The following NCAM2 variants were observed in gnomAD, a reference collection of about 807,000 sequenced individuals.
NCAM2 encodes neural cell adhesion molecule 2.
In NCAM2, 30 loss-of-function variants were observed where a neutral mutation model predicts 98.1. The ratio of observed to expected loss-of-function variants is 0.31; its 90% CI spans 0.23 to 0.41. The LOEUF (loss-of-function observed/expected upper bound fraction) is 0.41, where lower values mean the gene tolerates loss of function less well. Ranked by LOEUF, NCAM2 falls within the 10% of genes least tolerant of loss-of-function variation. The pLI, the probability that NCAM2 is intolerant of heterozygous loss-of-function variation, is 1.00. For missense variants in NCAM2, 867 were observed against 1,005.8 expected (o/e 0.86, Z 1.87); for synonymous variants, 368 against 342.4 (o/e 1.07, Z -0.83).
At chr21:21,236,177 A>T (rs1404101137) in intron 1 of NCAM2, among the ~76,000 whole-genome samples, 1 of 152,004 alleles carries the variant, frequency 6.6e-6, no homozygotes, top group Non-Finnish European at 1.5e-5. Flanking sequence ...AAATAAATAA[A>T]TAAAGCGCTT....
rs570592597 is a variant in NCAM2 at position 21,011,310 on chromosome 21, C to G, written c.55+12692C>G. ...ATCTGATATTCAAATTCAGGAATATCTGATTCTAAAATGATGCTCATTTCA... is the reference window on the plus strand; with the variant it reads ...ATCTGATATTCAAATTCAGGAATATGTGATTCTAAAATGATGCTCATTTCA... On this transcript the variant is annotated intron_variant, in intron 1 of 17. Coordinates refer to ENST00000400546, the MANE Select transcript of NCAM2 (RefSeq NM_004540.5). Among the ~76,000 whole-genome samples, 3 of 152,082 alleles carry G rather than the reference C, an allele frequency of 2.0e-5. No homozygotes were observed. The South Asian group carries it at 6.2e-4, about 32-fold the overall frequency.
intron 4 of NCAM2, among the ~76,000 whole-genome samples, chr21:21,288,150 T>C (rs1430970228): frequency 2.0e-5 from 3 of 151,950 alleles, no homozygotes; most frequent in Non-Finnish European, 4.4e-5. Context: ...ATGTACATGG[T>C]TGCTATACAG....
At chr21:21,331,511 C>CTATATATATATA (rs1400422948) in intron 6 of NCAM2, among the ~76,000 whole-genome samples, 1 of 6,552 alleles carries the variant, frequency 1.5e-4, no homozygotes, top group African/African-American at 4.5e-4. Flanking sequence ...TCTATACTCT[C>CTATATATATATA]TCTCTCTATA....
At chr21:21,479,984 G>C (rs1231555179) in intron 15 of NCAM2, among the ~76,000 whole-genome samples, 1 of 152,100 alleles carries the variant, frequency 6.6e-6, no homozygotes, top group Non-Finnish European at 1.5e-5. Context: ...GAGTACAAAG[G>C]ATTTATCTGT....
At chr21:21,507,740 A>C (rs1988078284) in intron 15 of NCAM2, among the ~76,000 whole-genome samples, 1 of 147,860 alleles carries the variant, frequency 6.8e-6, no homozygotes, top group Non-Finnish European at 1.5e-5. Context: ...CAGTGAGCCG[A>C]GATCGCCCCA....
intron 9 of NCAM2, among the ~76,000 whole-genome samples, chr21:21,398,694 G>A (rs1409546888): frequency 6.6e-6 from 1 of 152,152 alleles, no homozygotes; most frequent in Non-Finnish European, 1.5e-5. Flanking sequence ...GAGTAAGTCA[G>A]CAAGGGGCTT....
chr21:21,134,804 C>T (rs936098954), intron 1 of NCAM2, among the ~76,000 whole-genome samples: 1 of 151,350 alleles, frequency 6.6e-6, no homozygotes, highest in African/African-American at 2.4e-5. Context: ...GTCTCAAGCT[C>T]CTGGGCTCAA....
chr21:21,503,404 GTAAC>G (rs1240253370), intron 15 of NCAM2, among the ~76,000 whole-genome samples: 4 of 151,862 alleles, frequency 2.6e-5, no homozygotes, highest in Admixed American at 2.6e-4. Context: ...CAGCTCCTAA[GTAAC>G]TAAGAGGTGG....
chr21:21,073,634 CTG>C (rs1207566411), intron 1 of NCAM2, among the ~76,000 whole-genome samples: 3 of 152,170 alleles, frequency 2.0e-5, no homozygotes, highest in African/African-American at 4.8e-5. Flanking sequence ...AACAGAGGAG[CTG>C]TGTCTCTGAT....
intron 1 of NCAM2, among the ~76,000 whole-genome samples, chr21:21,208,422 T>A (rs946695941): frequency 2.0e-5 from 3 of 152,180 alleles, no homozygotes; most frequent in African/African-American, 2.4e-5. Context: ...TTAATACCAG[T>A]TAGAAGACTT....
intron 9 of NCAM2, among the ~76,000 whole-genome samples, chr21:21,394,012 G>C (rs1009302172): frequency 6.6e-5 from 10 of 152,132 alleles, no homozygotes; most frequent in African/African-American, 2.4e-4. Flanking sequence ...AAATTAGAGA[G>C]AAAGCCAGTA....
chr21:21,449,234 G>A (rs1180585149), intron 12 of NCAM2, among the ~76,000 whole-genome samples: 1 of 151,752 alleles, frequency 6.6e-6, no homozygotes, highest in Non-Finnish European at 1.5e-5. Flanking sequence ...CAAATAAATA[G>A]TACAAATAAA....
intron 15 of NCAM2, among the ~76,000 whole-genome samples, chr21:21,478,730 T>G (rs1273705890): frequency 6.6e-6 from 1 of 152,176 alleles, no homozygotes; most frequent in African/African-American, 2.4e-5. Flanking sequence ...TTTACTATTT[T>G]CAAAGCCCTT....
Position 21,543,300 on chromosome 21 carries a change from A to G in NCAM2, c.*5343A>G, listed in dbSNP as rs1392853337. 1.3e-5 allele frequency: 2 copies of G among 151,868 alleles called. No individual in the cohort carries two copies. Among genetic ancestry groups the G allele is most frequent in the Non-Finnish European group, 2.9e-5 (2 of 67,890 alleles). 9.4% of individuals were successfully genotyped at this position (151,868 alleles called of 1,614,324 possible). ...AAACTTGTCACACTTCACCATTTGT[A>G]TATTAATAGTAAAGATACTTTTACT... On this transcript the variant is annotated 3_prime_UTR_variant, in exon 18 of 18. Coordinates refer to ENST00000400546, the MANE Select transcript of NCAM2 (RefSeq NM_004540.5).
intron 16 of NCAM2, among the ~76,000 whole-genome samples, chr21:21,531,348 A>G (rs1323605072): frequency 6.6e-6 from 1 of 152,216 alleles, no homozygotes; most frequent in African/African-American, 2.4e-5. Flanking sequence ...TTCCAAATGT[A>G]AATTCTCCAT....
At chr21:21,116,699 A>C (rs927337361) in intron 1 of NCAM2, among the ~76,000 whole-genome samples, 2 of 151,598 alleles carry the variant, frequency 1.3e-5, no homozygotes, top group Non-Finnish European at 2.9e-5. Flanking sequence ...TAAAAATACC[A>C]AAAAAAATAG....
intron 9 of NCAM2, among the ~76,000 whole-genome samples, 160 bp from the exon 10 acceptor site, chr21:21,410,114 C>T (rs2076825621): frequency 6.6e-6 from 1 of 150,728 alleles, no homozygotes; most frequent in South Asian, 2.1e-4. Flanking sequence ...GCCTGGGCGA[C>T]AGGGCGAGAC....
At chr21:21,368,453 T>C (rs2075838028) in intron 8 of NCAM2, among the ~76,000 whole-genome samples, 1 of 151,892 alleles carries the variant, frequency 6.6e-6, no homozygotes, top group Non-Finnish European at 1.5e-5. Flanking sequence ...CCCACCATCT[T>C]AGTCTGTTCA....
At chr21:21,432,565 A>G (rs183758360) in intron 12 of NCAM2, among the ~76,000 whole-genome samples, 3 of 151,096 alleles carry the variant, frequency 2.0e-5, no homozygotes, top group South Asian at 4.2e-4. Flanking sequence ...TTGCTCACAT[A>G]CTAGATATGA....
Sources: gnomAD v4.1 joint callset for allele counts (sites outside exome capture counted in the v4.1 genomes callset) on GRCh38, gnomAD v4.1.1 for gene constraint, MANE v1.5 for transcripts, NCBI Gene and HGNC (gene_info 2026-07-23, HGNC 2026-07-21) for gene names.